Variants in GRIP1 observed in about 807,000 individuals in gnomAD.
GRIP1 encodes glutamate receptor interacting protein 1.
A neutral mutation model predicts 129.9 loss-of-function variants in GRIP1; 45 were observed. The ratio of observed to expected loss-of-function variants is 0.35; its 90% CI spans 0.27 to 0.44. The LOEUF (loss-of-function observed/expected upper bound fraction) is 0.44, where lower values mean the gene tolerates loss of function less well. Ranked by LOEUF, GRIP1 falls within the 20% of genes least tolerant of loss-of-function variation. GRIP1 has a pLI of 1.00. For missense variants in GRIP1, 1,196 were observed against 1,396.8 expected (o/e 0.86, Z 2.29); for synonymous variants, 530 against 520.8 (o/e 1.02, Z -0.24).
chr12:66,506,620 T>G (rs1168403732), intron 7 of GRIP1, among the ~76,000 whole-genome samples: 1 of 152,158 alleles, frequency 6.6e-6, no homozygotes, highest in Non-Finnish European at 1.5e-5. Context: ...AAATGAAAAT[T>G]TAATAAGTTG....
intron 1 of GRIP1, among the ~76,000 whole-genome samples, chr12:66,775,472 T>A (rs1592833913): frequency 6.6e-6 from 1 of 152,286 alleles, no homozygotes; most frequent in East Asian, 1.9e-4. Flanking sequence ...TCTGGTTTTT[T>A]AAAATCATCT....
intron 1 of GRIP1, among the ~76,000 whole-genome samples, chr12:66,629,558 A>G (rs941258395): frequency 2.6e-5 from 4 of 152,230 alleles, no homozygotes; most frequent in African/African-American, 9.6e-5. Context: ...TCAAGTGAAC[A>G]TTCAAATGTA....
intron 1 of GRIP1, among the ~76,000 whole-genome samples, chr12:66,903,069 A>C (rs948552085): frequency 1.9e-4 from 29 of 152,118 alleles, no homozygotes; most frequent in South Asian, 1.5e-3. Context: ...ATAACTAGTC[A>C]AATTCTGAAA....
chr12:66,622,345 T>C lies in GRIP1; in HGVS notation c.56-25418A>G, dbSNP rs566727135. Among the ~76,000 whole-genome samples, 4 of 152,192 alleles carry C rather than the reference T, an allele frequency of 2.6e-5. No homozygotes were observed. The South Asian group carries it at 8.3e-4, about 32-fold the overall frequency. ...TATAGATAGAATGAATAAGATCTAATAAGATCTAGTATTTGATAGCACAAC... is the reference window on the plus strand; with the variant it reads ...TATAGATAGAATGAATAAGATCTAACAAGATCTAGTATTTGATAGCACAAC... On this transcript the variant is annotated intron_variant, in intron 1 of 24. Coordinates refer to ENST00000359742, the MANE Select transcript of GRIP1 (RefSeq NM_001366722.1).
At chr12:66,375,442 A>G (rs1164309474) in intron 22 of GRIP1, among the ~76,000 whole-genome samples, 1 of 152,228 alleles carries the variant, frequency 6.6e-6, no homozygotes, top group Non-Finnish European at 1.5e-5. Flanking sequence ...TAAATTTAAT[A>G]TGCAAGAATC....
intron 1 of GRIP1, among the ~76,000 whole-genome samples, chr12:66,853,391 T>C (rs1032282078): frequency 9.2e-5 from 14 of 152,006 alleles, no homozygotes; most frequent in Non-Finnish European, 1.3e-4. Flanking sequence ...AAATGAATTA[T>C]AGAGAAACTA....
chr12:67,050,375 C>T (rs1565656210), intron 1 of GRIP1, among the ~76,000 whole-genome samples: 1 of 151,522 alleles, frequency 6.6e-6, no homozygotes, highest in Admixed American at 6.6e-5. Flanking sequence ...ATAGGACCAG[C>T]TTTATAAAAG....
intron 1 of GRIP1, among the ~76,000 whole-genome samples, chr12:66,753,064 G>A (rs2037176714): frequency 6.6e-6 from 1 of 151,964 alleles, no homozygotes; most frequent in African/African-American, 2.4e-5. Context: ...TGACTCCCCA[G>A]CCCCTACCCA....
chr12:66,677,397 C>A (rs764637653), intron 1 of GRIP1, among the ~76,000 whole-genome samples: 3 of 152,118 alleles, frequency 2.0e-5, no homozygotes, highest in Non-Finnish European at 4.4e-5. Context: ...AGACCATCAA[C>A]TTCTCAACAT....
At chr12:67,016,327 G>A (rs539998350) in intron 1 of GRIP1, among the ~76,000 whole-genome samples, 123 of 151,988 alleles carry the variant, frequency 8.1e-4, no homozygotes, top group African/African-American at 2.7e-3. Flanking sequence ...CAAATACCAG[G>A]CAAAAAACCA....
At position 66,879,066 on chromosome 12, in the gene GRIP1, G is replaced by A. The variant is rs1253575205; in HGVS notation, c.58+189984C>T. Reference sequence around the variant, plus strand: ...TACTACATAATGTTTATGATTCCCAGCTACACAGGAAATGTATACAATATG... The same window carrying A: ...TACTACATAATGTTTATGATTCCCAACTACACAGGAAATGTATACAATATG... On this transcript the variant is annotated intron_variant, in intron 1 of 1. Transcript: ENST00000643019. Among the ~76,000 whole-genome samples the A allele has an allele frequency of 6.6e-5, 10 of 151,920 alleles. 1 individual carries two copies. The East Asian group carries it at 1.9e-3, about 29-fold the overall frequency.
At chr12:66,486,252 A>G (rs2059951355) in intron 7 of GRIP1, among the ~76,000 whole-genome samples, 1 of 151,506 alleles carries the variant, frequency 6.6e-6, no homozygotes, top group Admixed American at 6.6e-5. Flanking sequence ...ATTAAATTTG[A>G]TAGACTGACA....
intron 1 of GRIP1, among the ~76,000 whole-genome samples, chr12:66,753,927 G>C (rs1298332372): frequency 2.0e-5 from 3 of 152,208 alleles, no homozygotes; most frequent in Admixed American, 1.3e-4. Flanking sequence ...TTCATGGTTG[G>C]TGAGAAAATG....
chr12:66,486,875 C>T (rs984791995), intron 7 of GRIP1, among the ~76,000 whole-genome samples: 1 of 151,982 alleles, frequency 6.6e-6, no homozygotes, highest in Non-Finnish European at 1.5e-5. Context: ...ACTGCAGCCT[C>T]GAACTCCTGG....
Position 66,349,157 on chromosome 12 carries a change from A to G in GRIP1, c.3249T>C (p.Ser1083=). The change falls in exon 25 of 25, where the codon AGT becomes AGC. Residue 1083 remains serine, a synonymous_variant. Coordinates refer to ENST00000359742, the MANE Select transcript of GRIP1 (RefSeq NM_001366722.1). ...ACTTCTGTGAAGCCAGTGGGTTTCT[A>G]CTAATAACCAGGTCCAGCTTATTCC... The part of the protein sequence containing the change: ...ESGNKLDLVI[S]RNPLASQKSI... The G allele has an allele frequency of 1.9e-6, 3 of 1,613,936 alleles. No homozygotes were observed. Among genetic ancestry groups the G allele is most frequent in the Non-Finnish European group, 2.5e-6 (3 of 1,179,802 alleles).
Position 66,724,797 on chromosome 12 carries a change from G to C in GRIP1, c.-420+79256C>G, listed in dbSNP as rs1312259054. Among the ~76,000 whole-genome samples the C allele has an allele frequency of 2.0e-5, 3 of 152,126 alleles. No individual in the cohort carries two copies. The East Asian group carries it at 5.8e-4, about 29-fold the overall frequency. On this transcript the variant is annotated intron_variant, in intron 1 of 4. Transcript: ENST00000538373. Reference sequence around the variant, plus strand: ...CAGGGAGTTCAGAGAACCTTTGTCTGCAGAAGTGGAAGGGACAATCTGCCT... The same window carrying C: ...CAGGGAGTTCAGAGAACCTTTGTCTCCAGAAGTGGAAGGGACAATCTGCCT...
At chr12:66,499,012 A>T (rs2060315609) in intron 7 of GRIP1, among the ~76,000 whole-genome samples, 1 of 152,248 alleles carries the variant, frequency 6.6e-6, no homozygotes, top group South Asian at 2.1e-4. Context: ...AGGAGCAAAA[A>T]GATCCCTAGG....
intron 20 of GRIP1, among the ~76,000 whole-genome samples, chr12:66,377,907 T>A (rs1231121104): frequency 6.6e-6 from 1 of 152,086 alleles, no homozygotes; most frequent in African/African-American, 2.4e-5. Flanking sequence ...CGGAAATGTA[T>A]TTCAGCTGCT....
At position 66,891,788 on chromosome 12, in the gene GRIP1, A is replaced by T. The variant is rs574244993; in HGVS notation, c.58+177262T>A. On this transcript the variant is annotated intron_variant, in intron 1 of 1. Transcript: ENST00000643019. The stretch of plus-strand genomic sequence containing the variant: ...AGATGAGGAGATGCCATTAGAAAAT[A>T]TGACTGAGGCAAATTCTTCCCCTAT... 5 of 152,358 alleles carry T rather than the reference A, an allele frequency of 3.3e-5. No individual in the cohort carries two copies. In the East Asian group the frequency reaches 9.6e-4, roughly 29 times the overall value. The allele number at this position is 152,358 out of a possible 1,614,324, so 9.4% of individuals were successfully genotyped here. A position where few individuals can be genotyped will look rare whatever the true frequency, so the allele number is the denominator to read the frequency against.
Sources: gnomAD v4.1 joint callset for allele counts (sites outside exome capture counted in the v4.1 genomes callset) on GRCh38, gnomAD v4.1.1 for gene constraint, MANE v1.5 for transcripts, NCBI Gene and HGNC (gene_info 2026-07-23, HGNC 2026-07-21) for gene names.